DHRS7C: variants seen among roughly 807,000 people sequenced by gnomAD.
DHRS7C encodes dehydrogenase/reductase SDR family member 7C.
A neutral mutation model predicts 29.6 loss-of-function variants in DHRS7C; 28 were observed. The observed-to-expected ratio is 0.95, with a 90% CI of 0.70 to 1.30. The LOEUF (loss-of-function observed/expected upper bound fraction) is 1.30, where lower values mean the gene tolerates loss of function less well. Among genes scored for constraint, DHRS7C ranks in the 50% most tolerant of loss-of-function variants. DHRS7C has a pLI of 0.00. For missense variants in DHRS7C, 403 were observed against 393.3 expected (o/e 1.02, Z -0.21); for synonymous variants, 158 against 160.2 (o/e 0.99, Z 0.10).
intron 4 of DHRS7C, 74 bp from the exon 5 acceptor site, chr17:9,772,996 G>A: frequency 6.4e-7 from 1 of 1,557,532 alleles, no homozygotes; most frequent in Non-Finnish European, 8.7e-7. Context: ...ATTGGAGGCA[G>A]GAGGGCCGAC....
rs541876661 is a variant in DHRS7C at position 9,771,701 on chromosome 17, A to G, written c.728-5T>C. 1 of 1,470,670 alleles carries G rather than the reference A, an allele frequency of 6.8e-7. No individual in the cohort carries two copies. The highest frequency in any genetic ancestry group is 2.3e-5 in the Admixed American group (1 of 43,322). 91.1% of individuals were successfully genotyped at this position (1,470,670 alleles called of 1,614,324 possible). On this transcript the variant is annotated splice_polypyrimidine_tract_variant and splice_region_variant and intron_variant, in intron 5 of 5. Transcript: ENST00000571134. Reference sequence around the variant, plus strand: ...AGGTCAGCTTCCTGAAAAAGACTGAAAGGCCCCAGTTGGGGGCGGGGGTTA... The same window carrying G: ...AGGTCAGCTTCCTGAAAAAGACTGAGAGGCCCCAGTTGGGGGCGGGGGTTA...
rs2066353920 is a variant in DHRS7C, at chr17:9,774,983, G to A, written c.572-2061C>T. Among the ~76,000 whole-genome samples the A allele has an allele frequency of 6.6e-6, 1 of 152,204 alleles. No individual in the cohort carries two copies. The highest frequency in any genetic ancestry group is 2.4e-5 in the African/African-American group (1 of 41,462). Reference sequence around the variant, plus strand: ...CTGATGGGGGTGGAGACAGCCTTGAGAGAATTCTGAGTCCCCAATACTGTG... The same window carrying A: ...CTGATGGGGGTGGAGACAGCCTTGAAAGAATTCTGAGTCCCCAATACTGTG... On this transcript the variant is annotated intron_variant, in intron 4 of 5. Coordinates refer to ENST00000571134, the MANE Select transcript of DHRS7C (RefSeq NM_001105571.3). The surrounding 1 kb of genome is among the most constrained non-coding windows in gnomAD (Gnocchi z 5.0).
Position 9,791,167 on chromosome 17 carries a change from C to G in DHRS7C, c.118G>C (p.Val40Leu). ...CCTGAGATGGCATCGGTGATCACCA[C>G]CACTTTGTTCTGCACAGCTGACTTT... is the stretch of plus-strand genomic sequence containing the variant. ...WSKSAVQNKVVVITDAISGLG... is the reference protein window; with the variant it reads ...WSKSAVQNKVLVITDAISGLG... The change falls in exon 1 of 6, where the codon GTG (valine) becomes CTG (leucine). Residue 40 changes from valine (V) to leucine (L), a missense_variant. By Grantham distance (32) the Val-to-Leu change is conservative. Transcript: ENST00000571134. The G allele has an allele frequency of 1.9e-6, 3 of 1,613,624 alleles. 1 individual carries two copies. In the South Asian group the frequency reaches 3.3e-5, roughly 18 times the overall value.
chr17:9,779,427 A>G (rs2066380996), intron 3 of DHRS7C, among the ~76,000 whole-genome samples: 1 of 152,142 alleles, frequency 6.6e-6, no homozygotes, highest in South Asian at 2.1e-4. Flanking sequence ...CCTTTGACCA[A>G]CTGTAATGGT....
chr17:9,785,931 A>G (rs897088990), intron 1 of DHRS7C, among the ~76,000 whole-genome samples: 5 of 152,130 alleles, frequency 3.3e-5, no homozygotes, highest in African/African-American at 1.2e-4. Context: ...AATTCAATGA[A>G]AATGGACATG....
intron 1 of DHRS7C, among the ~76,000 whole-genome samples, chr17:9,788,354 G>A (rs934453956): frequency 6.6e-6 from 1 of 152,120 alleles, no homozygotes; most frequent in Non-Finnish European, 1.5e-5. Context: ...TTATAGGCAA[G>A]AGCCCCCACC....
intron 3 of DHRS7C, among the ~76,000 whole-genome samples, 196 bp downstream of exon 3, chr17:9,779,629 C>A (rs1020266327): frequency 1.3e-4 from 20 of 152,178 alleles, no homozygotes; most frequent in African/African-American, 3.6e-4. Flanking sequence ...ATATACCAAT[C>A]AGATACTTCC....
chr17:9,783,912 G>T (rs1366748350), intron 1 of DHRS7C, among the ~76,000 whole-genome samples: 1 of 151,074 alleles, frequency 6.6e-6, no homozygotes, highest in African/African-American at 2.4e-5. Context: ...CTGCACTCCA[G>T]CCTGGGCAAC....
At chr17:9,783,954 T>C (rs866911032) in intron 1 of DHRS7C, among the ~76,000 whole-genome samples, 1 of 141,798 alleles carries the variant, frequency 7.1e-6, no homozygotes, top group Non-Finnish European at 1.6e-5. Flanking sequence ...TTTGTTTTTT[T>C]GTTTTTTTTT....
intron 1 of DHRS7C, among the ~76,000 whole-genome samples, chr17:9,786,842 G>C (rs146634112): frequency 2.0e-5 from 3 of 152,136 alleles, no homozygotes; most frequent in Non-Finnish European, 4.4e-5. Context: ...GGGGAGTAAC[G>C]CATTCTCCAC....
rs141670854 is a variant in DHRS7C, at chr17:9,777,228, A to G, written c.536T>C (p.Ile179Thr). Reference sequence around the variant, plus strand: ...GAACGGGATTCCAAACTTCCCTTGGATATTATTCACTAACACGATTTGGCC... The same window carrying G: ...GAACGGGATTCCAAACTTCCCTTGGGTATTATTCACTAACACGATTTGGCC... ...RTGQIVLVNN[I>T]QGKFGIPFRT... The change falls in exon 4 of 6, where the codon ATC becomes ACC. Residue 179 changes from isoleucine (I) to threonine (T), a missense_variant. Transcript: ENST00000571134. 2 of 1,613,800 alleles carry G rather than the reference A, an allele frequency of 1.2e-6. No individual in the cohort carries two copies. Among genetic ancestry groups the G allele is most frequent in the South Asian group, 1.1e-5 (1 of 91,030 alleles).
intron 4 of DHRS7C, among the ~76,000 whole-genome samples, chr17:9,773,693 A>AAGCTTCT (rs2066344757): frequency 6.7e-6 from 1 of 148,434 alleles, no homozygotes; most frequent in Non-Finnish European, 1.5e-5. Flanking sequence ...CATGACTAGC[A>AAGCTTCT]AGCTTCTAGT....
chr17:9,789,690 G>A (rs11651177), intron 1 of DHRS7C, among the ~76,000 whole-genome samples: 17,690 of 152,226 alleles, frequency 0.12, 1,209 homozygotes, highest in Non-Finnish European at 0.17. Flanking sequence ...GGGATCGCAT[G>A]TTAGCAGCCT....
At position 9,779,989 on chromosome 17, in the gene DHRS7C, C is replaced by T. The variant is rs199949955; in HGVS notation, c.314G>A (p.Cys105Tyr). The change falls in exon 3 of 6, where the codon TGT becomes TAT. Residue 105 changes from cysteine (C) to tyrosine (Y), a missense_variant. Cys to Tyr is a radical substitution (Grantham distance 194). Coordinates refer to ENST00000571134, the MANE Select transcript of DHRS7C (RefSeq NM_001105571.3). ...GACTTCTTTTGCCACATCTGGGACA[C>T]AGCTGATGTCTGAGAGGTCCAACAG... Reference protein sequence around the residue: ...LVLLDLSDISCVPDVAKEVLD... With the variant: ...LVLLDLSDISYVPDVAKEVLD... The T allele has an allele frequency of 6.2e-7, 1 of 1,613,906 alleles. No homozygotes were observed. Among genetic ancestry groups the T allele is most frequent in the Non-Finnish European group, 8.5e-7 (1 of 1,179,878 alleles).
At chr17:9,781,752 G>A (rs1158618031) in intron 1 of DHRS7C, among the ~76,000 whole-genome samples, 158 bp from the exon 2 acceptor site, 2 of 152,188 alleles carry the variant, frequency 1.3e-5, no homozygotes, top group African/African-American at 4.8e-5. Flanking sequence ...CCCCGGGCTG[G>A]AATTTTTGTC....
chr17:9,777,059 G>A, intron 4 of DHRS7C, 134 bp downstream of exon 4: 1 of 708,284 alleles, frequency 1.4e-6, no homozygotes, highest in East Asian at 3.0e-5. Context: ...AGGGATGAAA[G>A]AAAATCCAGC....
Position 9,774,691 on chromosome 17 carries a change from GC to G in DHRS7C, c.572-1770del, listed in dbSNP as rs775757434. ...TGTGTGCCAGGTTCTGAGCCTCAGA[GC>G]CCCCATCTCCTTGCCTGGGTGGATG... On this transcript the variant is annotated intron_variant, in intron 4 of 5. Transcript: ENST00000571134. The surrounding 1 kb of genome is among the most constrained non-coding windows in gnomAD (Gnocchi z 5.0). Among the ~76,000 whole-genome samples, 2 of 152,130 alleles carry G rather than the reference GC, an allele frequency of 1.3e-5. No individual in the cohort carries two copies. Among genetic ancestry groups the G allele is most frequent in the Non-Finnish European group, 2.9e-5 (2 of 68,028 alleles).
intron 4 of DHRS7C, among the ~76,000 whole-genome samples, chr17:9,776,407 T>C (rs2066362882): frequency 6.6e-6 from 1 of 152,214 alleles, no homozygotes; most frequent in Non-Finnish European, 1.5e-5. Flanking sequence ...ATTTCTGTTG[T>C]GTAAGCCCCA....
At chr17:9,773,044 T>C (rs1244911282) in intron 4 of DHRS7C, 122 bp from the exon 5 acceptor site, 6 of 1,208,084 alleles carry the variant, frequency 5.0e-6, no homozygotes, top group Non-Finnish European at 6.8e-6. Flanking sequence ...GGGAAGATCC[T>C]CAAGAATCTG....
Sources: allele counts gnomAD v4.1 joint callset (sites outside exome capture counted in the v4.1 genomes callset), GRCh38; gene constraint gnomAD v4.1.1; non-coding constraint Gnocchi (gnomAD v3.1); transcripts MANE v1.5; gene names NCBI Gene and HGNC (gene_info 2026-07-23, HGNC 2026-07-21).